The following DLG2 variants were observed in gnomAD, a reference collection of about 807,000 sequenced individuals.
DLG2 encodes the protein disks large homolog 2.
Under a neutral mutation model 132.5 loss-of-function variants are expected in DLG2, and 45 were observed. The ratio of observed to expected loss-of-function variants is 0.34; its 90% confidence interval spans 0.27 to 0.44. The LOEUF is 0.44. Ranked by LOEUF, DLG2 falls within the 20% of genes least tolerant of loss-of-function variation. DLG2 has a pLI of 1.00. For missense variants in DLG2, 1,045 were observed against 1,196.9 expected (o/e 0.87, Z 1.87); for synonymous variants, 424 against 419.6 (o/e 1.01, Z -0.13).
chr11:84,716,441 G>A (rs747366388), intron 6 of DLG2, among the ~76,000 whole-genome samples: 11 of 151,900 alleles, frequency 7.2e-5, no homozygotes, highest in Non-Finnish European at 1.3e-4. Flanking sequence ...ACACACACAT[G>A]GACTGTGGAC....
intron 15 of DLG2, among the ~76,000 whole-genome samples, chr11:83,914,028 C>T (rs34138116): frequency 0.075 from 11,368 of 152,188 alleles, 597 homozygotes; most frequent in Non-Finnish European, 0.11. Flanking sequence ...GCAGAAAAAT[C>T]ATTCAAGAGA....
At chr11:84,519,871 T>C (rs1166205359) in intron 7 of DLG2, among the ~76,000 whole-genome samples, 1 of 152,216 alleles carries the variant, frequency 6.6e-6, no homozygotes, top group Admixed American at 6.5e-5. Context: ...GCCCTTCAAG[T>C]AATTCATATC....
chr11:85,276,637 T>C (rs574801484), intron 4 of DLG2, among the ~76,000 whole-genome samples: 60 of 152,288 alleles, frequency 3.9e-4, no homozygotes, highest in Non-Finnish European at 6.9e-4. Flanking sequence ...TAAAACTATC[T>C]TCAGAATCTT....
intron 7 of DLG2, among the ~76,000 whole-genome samples, chr11:84,322,309 T>C (rs2098409282): frequency 6.6e-6 from 1 of 152,232 alleles, no homozygotes. Context: ...CATAAGTGTA[T>C]GAACTCATTT....
At chr11:84,973,358 G>A (rs142312289) in intron 6 of DLG2, among the ~76,000 whole-genome samples, 133 of 152,226 alleles carry the variant, frequency 8.7e-4, no homozygotes, top group African/African-American at 2.8e-3. Context: ...TGCAGGAGGC[G>A]TCTGTATTGT....
chr11:84,993,596 C>T (rs762555644), intron 6 of DLG2, among the ~76,000 whole-genome samples: 1 of 152,136 alleles, frequency 6.6e-6, no homozygotes, highest in South Asian at 2.1e-4. Context: ...TTTACTGCCT[C>T]GCCACTGCCT....
intron 6 of DLG2, among the ~76,000 whole-genome samples, chr11:84,724,978 A>G (rs764697335): frequency 6.6e-6 from 1 of 152,174 alleles, no homozygotes. Flanking sequence ...TCAGACATTA[A>G]AAACATCTTC....
chr11:83,753,802 CAT>C (rs1288291540), intron 18 of DLG2, among the ~76,000 whole-genome samples: 3 of 111,406 alleles, frequency 2.7e-5, no homozygotes, highest in Admixed American at 9.5e-5. Flanking sequence ...TATGATATAT[CAT>C]ATATATCATA....
At chr11:84,108,017 G>C (rs10792719) in intron 9 of DLG2, among the ~76,000 whole-genome samples, 133,094 of 152,094 alleles carry the variant, frequency 0.88, 58,552 homozygotes, top group Middle Eastern at 0.95. Context: ...TGCTTTAGGG[G>C]TGAGGCTTGG....
chr11:84,772,673 A>G (rs150901184), intron 6 of DLG2, among the ~76,000 whole-genome samples: 102 of 152,326 alleles, frequency 6.7e-4, no homozygotes, highest in African/African-American at 2.4e-3. Context: ...CATGGAAATT[A>G]AACAAGTCAC....
At chr11:85,547,799 C>T (rs1037525366) in intron 3 of DLG2, among the ~76,000 whole-genome samples, 3 of 151,912 alleles carry the variant, frequency 2.0e-5, no homozygotes, top group Admixed American at 2.0e-4. Context: ...TTGCGTATGC[C>T]TCATGAAGCT....
At chr11:85,022,353 C>G (rs1300251770) in intron 6 of DLG2, among the ~76,000 whole-genome samples, 1 of 152,032 alleles carries the variant, frequency 6.6e-6, no homozygotes, top group Non-Finnish European at 1.5e-5. Context: ...CGATAAACTT[C>G]TCACAGATCT....
At chr11:85,037,826 T>A (rs2061542154) in intron 6 of DLG2, among the ~76,000 whole-genome samples, 1 of 152,176 alleles carries the variant, frequency 6.6e-6, no homozygotes, top group Admixed American at 6.5e-5. Context: ...TTACCTTATT[T>A]TTTATTACAG....
chr11:85,402,504 A>T (rs2088242113), intron 3 of DLG2, among the ~76,000 whole-genome samples: 1 of 152,190 alleles, frequency 6.6e-6, no homozygotes. Flanking sequence ...ATCTAATTAA[A>T]CTAAAGAGCT....
intron 6 of DLG2, among the ~76,000 whole-genome samples, chr11:85,099,480 C>T (rs1400752290): frequency 6.6e-6 from 1 of 152,008 alleles, no homozygotes; most frequent in African/African-American, 2.4e-5. Flanking sequence ...TTTATAAGTA[C>T]AAAAAACATA....
chr11:85,375,366 T>A (rs2085323747), intron 3 of DLG2, among the ~76,000 whole-genome samples: 1 of 152,188 alleles, frequency 6.6e-6, no homozygotes, highest in South Asian at 2.1e-4. Flanking sequence ...ATCAACCAGA[T>A]CAAACACCCG....
chr11:83,789,420 A>G (rs1394027291), intron 17 of DLG2, among the ~76,000 whole-genome samples: 1 of 152,220 alleles, frequency 6.6e-6, no homozygotes, highest in East Asian at 1.9e-4. Context: ...GATAATTCAC[A>G]TTGTGATTAT....
chr11:84,128,896 A>C (rs988834976), intron 9 of DLG2, among the ~76,000 whole-genome samples: 1 of 152,164 alleles, frequency 6.6e-6, no homozygotes, highest in Non-Finnish European at 1.5e-5. Context: ...CAATTTATAA[A>C]ATAGATCACC....
chr11:84,341,591 C>T (rs1440359578), intron 7 of DLG2, among the ~76,000 whole-genome samples: 1 of 152,170 alleles, frequency 6.6e-6, no homozygotes, highest in African/African-American at 2.4e-5. Flanking sequence ...CCCACTATGT[C>T]CCATATGCAA....
Sources: gnomAD v4.1 joint callset for allele counts (sites outside exome capture counted in the v4.1 genomes callset) on GRCh38, gnomAD v4.1.1 for gene constraint, MANE v1.5 for transcripts, NCBI Gene and HGNC (gene_info 2026-07-23, HGNC 2026-07-21) for gene names.